The following TP73 variants were observed in gnomAD, a reference collection of about 807,000 sequenced individuals.
TP73 encodes the protein tumor protein p73, also known as p53-like transcription factor.
TP73 carries 25 observed loss-of-function variants against 62.5 expected under a neutral mutation model. That is an observed-to-expected ratio of 0.40 (90% CI 0.29 to 0.56). The LOEUF (loss-of-function observed/expected upper bound fraction) is 0.56. Among genes scored for constraint, TP73 ranks in the 20% least tolerant of loss-of-function variants. TP73 has a pLI of 0.46. For synonymous variants in TP73, 423 were observed against 377.5 expected, an observed-to-expected ratio of 1.12 and a Z score of -1.40; for missense variants, 754 against 913.3, an observed-to-expected ratio of 0.83 and a Z score of 2.25.
In TP73 at chr1:3,662,721, G is replaced by T. The variant is rs1645023822; in HGVS notation, c.-34+10080G>T. Among the ~76,000 whole-genome samples the T allele has an allele frequency of 6.6e-6, 1 of 152,166 alleles. No homozygotes were observed. The highest frequency in any genetic ancestry group is 2.1e-4 in the South Asian group (1 of 4,828). ...TTTGGGGTGGGGTGGCGTGTCCTGA[G>T]CCCCAACCCAGGTGTCAGGGCTATG... On this transcript the variant is annotated intron_variant, in intron 1 of 13. Transcript: ENST00000378295. This position sits in a 1 kb window ranked among gnomAD's most constrained non-coding sequence, Gnocchi z 4.4.
intron 4 of TP73, among the ~76,000 whole-genome samples, chr1:3,709,408 C>T (rs921710828): frequency 2.6e-5 from 4 of 152,210 alleles, no homozygotes; most frequent in African/African-American, 4.8e-5. Flanking sequence ...CCTTACTGCA[C>T]GATGGAGATA....
chr1:3,703,690 G>T (rs1639396358), intron 3 of TP73, among the ~76,000 whole-genome samples: 1 of 152,364 alleles, frequency 6.6e-6, no homozygotes, highest in East Asian at 1.9e-4. Context: ...AACAAGGGAG[G>T]CATGGGCTTT....
At chr1:3,717,710 C>T (rs567490812) in intron 4 of TP73, among the ~76,000 whole-genome samples, 6 of 152,238 alleles carry the variant, frequency 3.9e-5, no homozygotes, top group African/African-American at 1.4e-4. Context: ...GCGCTGGAGC[C>T]GTCCTGGGCT....
chr1:3,712,924 G>A (rs1004170055), intron 4 of TP73, among the ~76,000 whole-genome samples: 1 of 141,916 alleles, frequency 7.0e-6, no homozygotes, highest in Non-Finnish European at 1.6e-5. Flanking sequence ...AGGTCCCCAC[G>A]AGCAGCCCCT....
At chr1:3,712,596 TGA>T (rs1020242174) in intron 4 of TP73, among the ~76,000 whole-genome samples, 12 of 152,248 alleles carry the variant, frequency 7.9e-5, no homozygotes, top group Admixed American at 3.3e-4. Context: ...TCCATAGGCA[TGA>T]GACTGTTGGG....
At chr1:3,700,893 C>T (rs767322891) in intron 3 of TP73, among the ~76,000 whole-genome samples, 4 of 152,216 alleles carry the variant, frequency 2.6e-5, no homozygotes, top group Non-Finnish European at 5.9e-5. Context: ...TAGAACAGAA[C>T]CCATGCGGCG....
In TP73 at chr1:3,654,120, GCTGATATCATGCCA is replaced by G. The variant is rs373095136; in HGVS notation, c.-34+1483_-34+1496del. Reference sequence around the variant, plus strand: ...ACCTGGGATGGAGAGGTTGCAGCGAGCTGATATCATGCCACTGCACTCCAGCCTGGGCAACAGAG... The same window carrying G: ...ACCTGGGATGGAGAGGTTGCAGCGAGCTGCACTCCAGCCTGGGCAACAGAG... On this transcript the variant is annotated intron_variant, in intron 1 of 13. Transcript: ENST00000378295. 1.1e-4 allele frequency among the ~76,000 whole-genome samples: 17 copies of G among 152,318 alleles called. 1 individual carries two copies. Among genetic ancestry groups the G allele is most frequent in the African/African-American group, 3.8e-4 (16 of 41,576 alleles).
intron 11 of TP73, among the ~76,000 whole-genome samples, chr1:3,730,513 CA>C (rs1035436365): frequency 1.5e-4 from 23 of 152,210 alleles, no homozygotes; most frequent in African/African-American, 5.3e-4. Context: ...AAGACCTCAT[CA>C]GGGGCCCCAG....
intron 3 of TP73, among the ~76,000 whole-genome samples, chr1:3,704,842 C>A (rs1639494679): frequency 6.6e-6 from 1 of 152,188 alleles, no homozygotes; most frequent in African/African-American, 2.4e-5. Flanking sequence ...GTAGCTGAGG[C>A]AGGGGTCCAT....
rs1289177339 is a variant in TP73 at position 3,672,343 on chromosome 1, C to A, written c.-33-9990C>A. 6.6e-6 allele frequency among the ~76,000 whole-genome samples: 1 copy of A among 152,066 alleles called. No homozygotes were observed. The highest frequency in any genetic ancestry group is 2.1e-4 in the South Asian group (1 of 4,826). On this transcript the variant is annotated intron_variant, in intron 1 of 13. Coordinates refer to ENST00000378295, the MANE Select transcript of TP73 (RefSeq NM_005427.4). The surrounding 1 kb of genome is among the most constrained non-coding windows in gnomAD (Gnocchi z 5.3). ...AGGCACTTCCAACATGGGCGCTGGC[C>A]GCACAAAGGCTAGTGACACCCGGTG...
rs36060423 is a variant in TP73, at chr1:3,663,695, C to CAA, written c.-34+11068_-34+11069dup. Among the ~76,000 whole-genome samples the CAA allele has an allele frequency of 4.6e-5, 6 of 131,096 alleles. No homozygotes were observed. Among genetic ancestry groups the CAA allele is most frequent in the African/African-American group, 1.1e-4 (4 of 36,252 alleles). The allele number at this position is 131,096 out of a possible 152,430, so 86.0% of individuals were successfully genotyped here. ...CGTGCAACAATGCGAGACTCCATCTCAAAAAAAAAAAAAAAGAAAGAAAGA... is the reference window on the plus strand; with the variant it reads ...CGTGCAACAATGCGAGACTCCATCTCAAAAAAAAAAAAAAAAAGAAAGAAAGA... On this transcript the variant is annotated intron_variant, in intron 1 of 13. Transcript: ENST00000378295. This position sits in a 1 kb window ranked among gnomAD's most constrained non-coding sequence, Gnocchi z 4.7.
chr1:3,716,229 A>G (rs541100135), intron 4 of TP73, among the ~76,000 whole-genome samples: 5 of 152,144 alleles, frequency 3.3e-5, no homozygotes, highest in African/African-American at 9.6e-5. Flanking sequence ...CTGGCCTGGG[A>G]GCCCCGGCTG....
At chr1:3,678,661 C>T (rs770540303) in intron 1 of TP73, among the ~76,000 whole-genome samples, 12 of 152,236 alleles carry the variant, frequency 7.9e-5, no homozygotes, top group East Asian at 5.8e-4. Flanking sequence ...TGGGGGAGGC[C>T]GGTGGCTGCA....
intron 1 of TP73, among the ~76,000 whole-genome samples, chr1:3,664,871 GA>G (rs1176936260): frequency 6.6e-6 from 1 of 152,338 alleles, no homozygotes; most frequent in South Asian, 2.1e-4. Context: ...TGATTCCTGT[GA>G]ATCCGATGAC....
chr1:3,725,979 G>A (rs1641523644), intron 6 of TP73, among the ~76,000 whole-genome samples: 3 of 117,844 alleles, frequency 2.5e-5, no homozygotes, highest in African/African-American at 6.5e-5. Flanking sequence ...GGGTGGATGG[G>A]TGGATGGATG....
In TP73 at chr1:3,733,061, G is replaced by A. The variant is rs556745030; in HGVS notation, c.1893G>A (p.Thr631=). The change falls in exon 14 of 14, where the codon ACG becomes ACA. Residue 631 remains threonine, a synonymous_variant. Transcript: ENST00000378295. ...AGCAGCCCATCAAGGAGGAGTTCAC[G>A]GAGGCCGAGATCCACTGAGGGCCTC... ...ARKQPIKEEF[T]EAEIH is the part of the protein sequence containing the mutation. 9.1e-6 allele frequency: 14 copies of A among 1,537,152 alleles called. No homozygotes were observed. The highest frequency in any genetic ancestry group is 2.4e-5 in the East Asian group (1 of 40,888).
At position 3,707,715 on chromosome 1, in the gene TP73, A is replaced by G. The variant is rs779335614; in HGVS notation, c.353A>G (p.Asn118Ser). The G allele has an allele frequency of 1.9e-6, 3 of 1,613,080 alleles. No individual in the cohort carries two copies. The highest frequency in any genetic ancestry group is 3.3e-5 in the Admixed American group (2 of 59,988). The change falls in exon 4 of 14, where the codon AAC becomes AGC. Residue 118 changes from asparagine to serine, a missense_variant. This residue lies in a region of TP73 where 235 missense variants were observed against 251.4 expected (regional missense o/e 0.93). Transcript: ENST00000378295. ...TCGCCGGCGCCTGTCATCCCCTCCA[A>G]CACCGACTACCCCGGACCCCACCAC... ...TMSPAPVIPS[N>S]TDYPGPHHFE...
intron 13 of TP73, among the ~76,000 whole-genome samples, chr1:3,732,339 C>G (rs1045826718): frequency 2.2e-4 from 34 of 152,242 alleles, no homozygotes; most frequent in African/African-American, 7.5e-4. Context: ...GTGACCCACG[C>G]TGAGCCAGCT....
At chr1:3,729,963 T>C (rs953063714) in intron 10 of TP73, 37 bp from the exon 11 acceptor site, 1 of 1,552,370 alleles carries the variant, frequency 6.4e-7, no homozygotes, top group African/African-American at 1.4e-5. Flanking sequence ...CGAGGCTGCC[T>C]TGCTTCCCAC....
Sources: gnomAD v4.1 joint callset for allele counts (sites outside exome capture counted in the v4.1 genomes callset) on GRCh38, gnomAD v4.1.1 for gene constraint, gnomAD v4.1.1 regional missense constraint, Gnocchi (gnomAD v3.1) non-coding constraint, MANE v1.5 for transcripts, NCBI Gene and HGNC (gene_info 2026-07-23, HGNC 2026-07-21) for gene names.